SFSWAP: variants seen among roughly 807,000 people sequenced by gnomAD.
SFSWAP encodes splicing factor, suppressor of white-apricot homolog.
Under a neutral mutation model 100.7 loss-of-function variants are expected in SFSWAP, and 17 were observed. The ratio of observed to expected loss-of-function variants is 0.17; its 90% CI spans 0.12 to 0.25. SFSWAP has a LOEUF of 0.25. SFSWAP is among the 10% of genes least tolerant of loss of function. The probability of loss-of-function intolerance (pLI) is 1.00; values close to 1 mark genes in which losing one functional copy is unlikely to be tolerated. For synonymous variants in SFSWAP, 504 were observed against 510.1 expected (o/e 0.99, Z 0.16); for missense variants, 1,005 against 1,262.6 (o/e 0.80, Z 3.09).
chr12:131,765,217 C>T (rs1016999240), intron 12 of SFSWAP, among the ~76,000 whole-genome samples: 20 of 152,244 alleles, frequency 1.3e-4, no homozygotes, highest in African/African-American at 2.2e-4. Flanking sequence ...CTTCCCATCC[C>T]GACTCCAGAA....
intron 9 of SFSWAP, 34 bp from the exon 10 acceptor site, chr12:131,755,352 G>A: frequency 1.3e-6 from 2 of 1,487,306 alleles, no homozygotes; most frequent in Non-Finnish European, 1.9e-6. Flanking sequence ...GCTTGTCTTG[G>A]TAAATGACCC....
At chr12:131,748,173 A>G (rs973359108) in intron 7 of SFSWAP, among the ~76,000 whole-genome samples, 4 of 152,010 alleles carry the variant, frequency 2.6e-5, no homozygotes, top group South Asian at 2.1e-4. Flanking sequence ...GTGTGTTTTC[A>G]GAATATCTAT....
chr12:131,775,130 A>G lies in SFSWAP; in HGVS notation c.2143-2935A>G, dbSNP rs375124096. On this transcript the variant is annotated intron_variant, in intron 13 of 17. Coordinates refer to ENST00000261674, the MANE Select transcript of SFSWAP (RefSeq NM_004592.4). The stretch of plus-strand genomic sequence containing the variant: ...CTCTGTTTTAACACAGCGCCTTACC[A>G]ATCACACACCAAATTAGTGCAGTGA... Among the ~76,000 whole-genome samples, 5 of 152,304 alleles carry G rather than the reference A, an allele frequency of 3.3e-5. No homozygotes were observed. The East Asian group carries it at 7.7e-4, about 24-fold the overall frequency.
In SFSWAP at chr12:131,714,357, C is replaced by T; in HGVS notation, c.388+117C>T. 1 of 840,952 alleles carries T rather than the reference C, an allele frequency of 1.2e-6. No homozygotes were observed. The highest frequency in any genetic ancestry group is 1.8e-6 in the Non-Finnish European group (1 of 556,080). 52.1% of individuals were successfully genotyped at this position (840,952 alleles called of 1,614,324 possible). A position where few individuals can be genotyped will look rare whatever the true frequency, so the allele number is the denominator to read the frequency against. On this transcript the variant is annotated intron_variant, in intron 2 of 17. Transcript: ENST00000261674. The surrounding 1 kb of genome is among the most constrained non-coding windows in gnomAD (Gnocchi z 6.0). ...TCTTTCTGATATTATCTTGACAGTACCCAGTGGATTGGAAAAACAGGAGTC... is the reference window on the plus strand; with the variant it reads ...TCTTTCTGATATTATCTTGACAGTATCCAGTGGATTGGAAAAACAGGAGTC...
intron 13 of SFSWAP, among the ~76,000 whole-genome samples, chr12:131,776,941 G>A (rs1884071942): frequency 6.6e-6 from 1 of 152,212 alleles, no homozygotes; most frequent in South Asian, 2.1e-4. Flanking sequence ...AAATGTGTCA[G>A]CATGCATTGA....
chr12:131,728,172 T>C (rs1879165360), intron 6 of SFSWAP, 121 bp from the exon 7 acceptor site: 3 of 1,110,072 alleles, frequency 2.7e-6, no homozygotes, highest in Non-Finnish European at 2.7e-6. Flanking sequence ...CATGGGTGCG[T>C]GCATGTGTGT....
At chr12:131,799,389 T>C in intron 17 of SFSWAP, 34 bp from the exon 18 acceptor site, 6 of 1,608,470 alleles carry the variant, frequency 3.7e-6, no homozygotes, top group Non-Finnish European at 5.1e-6. Flanking sequence ...GGCCAGGTCT[T>C]CACAGGTTCT....
chr12:131,774,904 G>A (rs1883889370), intron 13 of SFSWAP, among the ~76,000 whole-genome samples: 1 of 152,046 alleles, frequency 6.6e-6, no homozygotes, highest in Admixed American at 6.6e-5. Flanking sequence ...TTAATGACAG[G>A]CATTAGTTAG....
intron 7 of SFSWAP, among the ~76,000 whole-genome samples, chr12:131,738,955 G>A (rs552551302): frequency 9.2e-5 from 8 of 86,744 alleles, no homozygotes; most frequent in East Asian, 3.6e-4. Context: ...GTCCAGTAGC[G>A]TGATCTTGGC....
intron 17 of SFSWAP, 136 bp downstream of exon 17, chr12:131,799,245 T>A (rs1031431781): frequency 7.0e-6 from 7 of 1,004,500 alleles, no homozygotes; most frequent in Non-Finnish European, 1.1e-5. Context: ...CCACAGGCTC[T>A]GGGTGAGGCC....
In SFSWAP at chr12:131,728,315, A is replaced by T; in HGVS notation, c.968A>T (p.Asp323Val). The change falls in exon 7 of 18, where the codon GAT becomes GTT. Residue 323 changes from aspartate (D) to valine (V), a missense_variant. Physicochemically the swap from Asp to Val is radical, Grantham distance 152. This residue lies in a region of SFSWAP where 22 missense variants were observed against 52.6 expected (regional missense o/e 0.42). Transcript: ENST00000261674. ...LMKPLKVVDP[D>V]HPLAALVRKA... Reference sequence around the variant, plus strand: ...CAGCCCTTGAAGGTAGTGGACCCAGATCATCCCCTCGCAGCACTTGTTCGT... The same window carrying T: ...CAGCCCTTGAAGGTAGTGGACCCAGTTCATCCCCTCGCAGCACTTGTTCGT... The T allele has an allele frequency of 6.2e-7, 1 of 1,614,214 alleles. No homozygotes were observed. Among genetic ancestry groups the T allele is most frequent in the Non-Finnish European group, 8.5e-7 (1 of 1,180,038 alleles).
intron 7 of SFSWAP, among the ~76,000 whole-genome samples, chr12:131,747,659 G>T (rs1881261851): frequency 1.3e-5 from 2 of 152,220 alleles, no homozygotes; most frequent in Admixed American, 1.3e-4. Flanking sequence ...ACTCAGAGCT[G>T]AATCATCGGG....
Position 131,778,151 on chromosome 12 carries a change from C to G in SFSWAP, c.2229C>G (p.Ser743Arg). The change falls in exon 14 of 18, where the codon AGC (serine) becomes AGG (arginine). Residue 743 changes from serine to arginine, a missense_variant. This residue lies in a region of SFSWAP where 295 missense variants were observed against 347.9 expected (regional missense o/e 0.85). Coordinates refer to ENST00000261674, the MANE Select transcript of SFSWAP (RefSeq NM_004592.4). The surrounding 1 kb of genome is among the most constrained non-coding windows in gnomAD (Gnocchi z 4.2). ...TTAAACCACCCGATAGGCCTTCGAG[C>G]AAAAGCAAAGATCCACCGAGAGAAG... ...LEVKPPDRPS[S>R]KSKDPPREEE... 1 of 1,601,918 alleles carries G rather than the reference C, an allele frequency of 6.2e-7. No homozygotes were observed. The highest frequency in any genetic ancestry group is 1.1e-5 in the South Asian group (1 of 90,422).
Position 131,711,663 on chromosome 12 carries a change from C to T in SFSWAP, c.218+216C>T. 3.6e-6 allele frequency: 2 copies of T among 561,002 alleles called. No homozygotes were observed. The highest frequency in any genetic ancestry group is 2.1e-5 in the South Asian group (1 of 47,296). The allele number at this position is 561,002 out of a possible 1,614,324, so 34.8% of individuals were successfully genotyped here. On this transcript the variant is annotated intron_variant, in intron 1 of 17. Transcript: ENST00000261674. The surrounding 1 kb of genome is among the most constrained non-coding windows in gnomAD (Gnocchi z 4.9). Reference sequence around the variant, plus strand: ...CACTGGCTGGAATTGCGTGCCGCGTCCGTCTCCGGAGGGATCGTCTCTGGT... The same window carrying T: ...CACTGGCTGGAATTGCGTGCCGCGTTCGTCTCCGGAGGGATCGTCTCTGGT...
At chr12:131,791,222 G>T (rs566667848) in intron 15 of SFSWAP, among the ~76,000 whole-genome samples, 1 of 152,002 alleles carries the variant, frequency 6.6e-6, no homozygotes, top group South Asian at 2.1e-4. Flanking sequence ...GTGAAACCCC[G>T]TCACTACTAA....
At chr12:131,735,640 C>T (rs1430917066) in intron 7 of SFSWAP, among the ~76,000 whole-genome samples, 1 of 152,236 alleles carries the variant, frequency 6.6e-6, no homozygotes, top group Non-Finnish European at 1.5e-5. Flanking sequence ...TGCTGGGCCC[C>T]AGCCCGTCTG....
intron 4 of SFSWAP, among the ~76,000 whole-genome samples, chr12:131,724,489 A>G (rs902897820): frequency 6.6e-6 from 1 of 152,258 alleles, no homozygotes; most frequent in Non-Finnish European, 1.5e-5. Flanking sequence ...AAATTAGAGA[A>G]TTAAGCCATT....
rs79635712 is a variant in SFSWAP, at chr12:131,756,819, C to T, written c.1720+175C>T. ...TCCATGCTGTGTCATGCTTGCCTCG[C>T]GTGGCATTGGAGGTAACGTGAGTGT... On this transcript the variant is annotated intron_variant, in intron 11 of 17. Coordinates refer to ENST00000261674, the MANE Select transcript of SFSWAP (RefSeq NM_004592.4). The T allele has an allele frequency of 4.4e-5, 26 of 596,012 alleles. No homozygotes were observed. The East Asian group carries it at 4.8e-4, about 11-fold the overall frequency. 36.9% of individuals were successfully genotyped at this position (596,012 alleles called of 1,614,324 possible). A position where few individuals can be genotyped will look rare whatever the true frequency, so the allele number is the denominator to read the frequency against.
chr12:131,750,339 C>T (rs1229467782), intron 7 of SFSWAP, among the ~76,000 whole-genome samples: 1 of 152,222 alleles, frequency 6.6e-6, no homozygotes, highest in Non-Finnish European at 1.5e-5. Context: ...GAAGTGTTTT[C>T]ATCTCATCAA....
Sources: allele counts gnomAD v4.1 joint callset (sites outside exome capture counted in the v4.1 genomes callset), GRCh38; gene constraint gnomAD v4.1.1; regional missense constraint gnomAD v4.1.1; non-coding constraint Gnocchi (gnomAD v3.1); transcripts MANE v1.5; gene names NCBI Gene and HGNC (gene_info 2026-07-23, HGNC 2026-07-21).